ZFYVE16: variants seen among roughly 807,000 people sequenced by gnomAD.
The protein encoded by ZFYVE16 is zinc finger FYVE domain-containing protein 16.
Under a neutral mutation model 138.1 loss-of-function variants are expected in ZFYVE16, and 89 were observed. The ratio of observed to expected loss-of-function variants is 0.64; its 90% CI spans 0.54 to 0.77. ZFYVE16 has a LOEUF of 0.77. ZFYVE16 is among the 30% of genes least tolerant of loss of function. The pLI, the probability that ZFYVE16 is intolerant of heterozygous loss-of-function variation, is 0.00. For missense variants in ZFYVE16, 1,793 were observed against 1,786.7 expected, an observed-to-expected ratio of 1.00 and a Z score of -0.06; for synonymous variants, 596 against 618.3, an observed-to-expected ratio of 0.96 and a Z score of 0.53.
chr5:80,441,277 A>G (rs1253795658), intron 5 of ZFYVE16: 17 of 985,432 alleles, frequency 1.7e-5, no homozygotes, highest in Middle Eastern at 5.2e-4. Context: ...ACATTCAGAC[A>G]TATTTTGACT....
At chr5:80,462,166 A>T (rs773707690) in intron 15 of ZFYVE16, among the ~76,000 whole-genome samples, 14 of 152,218 alleles carry the variant, frequency 9.2e-5, no homozygotes, top group East Asian at 1.9e-4. Flanking sequence ...TTTTTAAATC[A>T]ATTATGGTAA....
At position 80,437,576 on chromosome 5, in the gene ZFYVE16, C is replaced by T. The variant is rs751722392; in HGVS notation, c.891C>T (p.Gly297=). 1 of 1,613,998 alleles carries T rather than the reference C, an allele frequency of 6.2e-7. No individual in the cohort carries two copies. The highest frequency in any genetic ancestry group is 1.1e-5 in the South Asian group (1 of 91,056). The stretch of plus-strand genomic sequence containing the variant: ...CCGCAGAATGTTTAAAAGAAGAGGG[C>T]AAGACAAGTGCTTTGACCTGCAGCC... ...ITAAECLKEE[G]KTSALTCSLP... The change falls in exon 4 of 19, where the codon GGC becomes GGT. Residue 297 remains glycine, a synonymous_variant. Transcript: ENST00000505560.
intron 2 of ZFYVE16, among the ~76,000 whole-genome samples, chr5:80,430,642 A>T (rs1281612117): frequency 6.6e-6 from 1 of 152,130 alleles, no homozygotes; most frequent in Non-Finnish European, 1.5e-5. Flanking sequence ...AAATCAATGA[A>T]TCCAGGAGCT....
At chr5:80,422,980 G>A (rs936746458) in intron 1 of ZFYVE16, among the ~76,000 whole-genome samples, 1 of 152,108 alleles carries the variant, frequency 6.6e-6, no homozygotes, top group African/African-American at 2.4e-5. Context: ...TTGGTCTGTA[G>A]TTTTCCTTTC....
chr5:80,453,949 C>G (rs1483788033), intron 11 of ZFYVE16: 2 of 152,100 alleles, frequency 1.3e-5, no homozygotes, highest in Non-Finnish European at 2.9e-5. Flanking sequence ...TAAGCCATAA[C>G]CTGTTGAGAA....
At chr5:80,458,970 G>A (rs1444609246) in intron 14 of ZFYVE16, among the ~76,000 whole-genome samples, 4 of 151,948 alleles carry the variant, frequency 2.6e-5, no homozygotes, top group East Asian at 1.9e-4. Flanking sequence ...TCGCTCTGTC[G>A]CCCAGGCTGG....
At chr5:80,445,629 C>T (rs1362347420) in intron 7 of ZFYVE16, among the ~76,000 whole-genome samples, 1 of 151,762 alleles carries the variant, frequency 6.6e-6, no homozygotes, top group East Asian at 1.9e-4. Context: ...GGCATAATTA[C>T]CAGTCACTGC....
Position 80,451,469 on chromosome 5 carries a change from A to G in ZFYVE16, c.3383-16A>G. 2 of 1,563,692 alleles carry G rather than the reference A, an allele frequency of 1.3e-6. No homozygotes were observed. Among genetic ancestry groups the G allele is most frequent in the South Asian group, 2.4e-5 (2 of 84,958 alleles). On this transcript the variant is annotated splice_polypyrimidine_tract_variant and intron_variant, in intron 10 of 18. Coordinates refer to ENST00000505560, the MANE Select transcript of ZFYVE16 (RefSeq NM_001284236.3). ...AAAACAACTTAAAATCTTTTTACTA[A>G]TGATTTTATTTGCAGGAAAATACAT...
At chr5:80,441,890 A>T in intron 5 of ZFYVE16, 1 of 985,326 alleles carries the variant, frequency 1.0e-6, no homozygotes, top group South Asian at 4.7e-5. Flanking sequence ...AGTGTTCCTT[A>T]TTTTTTGGAT....
chr5:80,455,542 A>T, intron 11 of ZFYVE16, 150 bp from the exon 12 acceptor site: 1 of 688,100 alleles, frequency 1.5e-6, no homozygotes, highest in South Asian at 1.9e-5. Context: ...TCAAAAACAA[A>T]AAAAAAATTA....
chr5:80,411,619 C>CTAAAT (rs1353217817), intron 1 of ZFYVE16: 1 of 152,098 alleles, frequency 6.6e-6, no homozygotes, highest in East Asian at 1.9e-4. Flanking sequence ...AGGCTCTTGT[C>CTAAAT]CTCTTCTAAA....
At chr5:80,417,680 C>T (rs1746466234) in intron 1 of ZFYVE16, among the ~76,000 whole-genome samples, 1 of 152,046 alleles carries the variant, frequency 6.6e-6, no homozygotes, top group African/African-American at 2.4e-5. Flanking sequence ...GAATAATATT[C>T]CATTGGATAG....
intron 1 of ZFYVE16, among the ~76,000 whole-genome samples, chr5:80,413,536 C>G (rs1321518263): frequency 1.3e-5 from 2 of 151,884 alleles, no homozygotes; most frequent in Admixed American, 1.3e-4. Context: ...CTTCTCACCC[C>G]TGAATCCCAC....
At chr5:80,415,037 CT>C (rs1746007513) in intron 1 of ZFYVE16, among the ~76,000 whole-genome samples, 1 of 152,124 alleles carries the variant, frequency 6.6e-6, no homozygotes. Flanking sequence ...CTTTCCCTCC[CT>C]TCCTTCTTTC....
At chr5:80,429,461 G>A (rs181468546) in intron 2 of ZFYVE16, among the ~76,000 whole-genome samples, 300 of 152,282 alleles carry the variant, frequency 2.0e-3, no homozygotes, top group African/African-American at 6.9e-3. Context: ...CACTAAACAT[G>A]GAAAGGAACA....
In ZFYVE16 at chr5:80,448,315, A is replaced by G. The variant is rs1275045936; in HGVS notation, c.3014A>G (p.Asn1005Ser). The change falls in exon 8 of 19, where the codon AAC becomes AGC. Residue 1005 changes from asparagine (N) to serine (S), a missense_variant. This residue lies in a region of ZFYVE16 where 1,295 missense variants were observed against 1,204.3 expected (regional missense o/e 1.08). Coordinates refer to ENST00000505560, the MANE Select transcript of ZFYVE16 (RefSeq NM_001284236.3). Reference sequence around the variant, plus strand: ...GATTATAGGTTACTGTGTGATATTAACAAGTATGTCTGCAATAAGATTAGT... The same window carrying G: ...GATTATAGGTTACTGTGTGATATTAGCAAGTATGTCTGCAATAAGATTAGT... ...ISDYRLLCDINKYVCNKISLL... is the reference protein window; with the variant it reads ...ISDYRLLCDISKYVCNKISLL... 1 of 1,612,126 alleles carries G rather than the reference A, an allele frequency of 6.2e-7. No homozygotes were observed. The highest frequency in any genetic ancestry group is 1.1e-5 in the South Asian group (1 of 90,896).
Position 80,445,416 on chromosome 5 carries a change from C to T in ZFYVE16, c.2724+11C>T. 1.9e-6 allele frequency: 3 copies of T among 1,602,736 alleles called. No individual in the cohort carries two copies. The highest frequency in any genetic ancestry group is 2.6e-6 in the Non-Finnish European group (3 of 1,175,514). On this transcript the variant is annotated intron_variant, in intron 7 of 18. Coordinates refer to ENST00000505560, the MANE Select transcript of ZFYVE16 (RefSeq NM_001284236.3). ...CCTGATGTGCCTATGGTAAGGAATT[C>T]AAAGAATAACTTAATTGACTAAACA...
In ZFYVE16 at chr5:80,447,714, CTG is replaced by C. The variant is rs1244686118; in HGVS notation, c.2725-307_2725-306del. Among the ~76,000 whole-genome samples the C allele has an allele frequency of 3.3e-5, 5 of 152,166 alleles. No individual in the cohort carries two copies. The East Asian group carries it at 9.6e-4, about 29-fold the overall frequency. On this transcript the variant is annotated intron_variant, in intron 7 of 18. Coordinates refer to ENST00000505560, the MANE Select transcript of ZFYVE16 (RefSeq NM_001284236.3). ...ACTTGGATTGAACTAAGCTTGCTCACTGTGTGATATGGTATGGGATCTTGAAG... is the reference window on the plus strand; with the variant it reads ...ACTTGGATTGAACTAAGCTTGCTCACTGTGATATGGTATGGGATCTTGAAG...
chr5:80,447,436 T>G (rs549203175), intron 7 of ZFYVE16, among the ~76,000 whole-genome samples: 1 of 152,318 alleles, frequency 6.6e-6, no homozygotes, highest in Non-Finnish European at 1.5e-5. Context: ...ACTGTCAATC[T>G]GTATTAATGA....
Sources: allele counts gnomAD v4.1 joint callset (sites outside exome capture counted in the v4.1 genomes callset), GRCh38; gene constraint gnomAD v4.1.1; regional missense constraint gnomAD v4.1.1; transcripts MANE v1.5; gene names NCBI Gene and HGNC (gene_info 2026-07-23, HGNC 2026-07-21).